ZNF718: variants seen among roughly 807,000 people sequenced by gnomAD.
ZNF718 encodes the protein zinc finger protein 718.
A neutral mutation model predicts 2.6 loss-of-function variants in ZNF718; 3 were observed. The ratio of observed to expected loss-of-function variants is 1.16; its 90% CI spans 0.53 to 3.01. The LOEUF is 3.01. Among genes scored for constraint, ZNF718 ranks in the 30% most tolerant of loss-of-function variants. The pLI is 0.03. For synonymous variants in ZNF718, 135 were observed against 77.9 expected (o/e 1.73, Z -3.86); for missense variants, 468 against 230.0 (o/e 2.03, Z -6.69).
intron 3 of ZNF718, among the ~76,000 whole-genome samples, chr4:170,798 T>A (rs746331604): frequency 1.1e-4 from 17 of 152,288 alleles, no homozygotes; most frequent in Non-Finnish European, 1.8e-4. Flanking sequence ...TCGAACTTCC[T>A]CCTTTAGTTC....
chr4:172,281 T>C (rs782813757), intron 3 of ZNF718, among the ~76,000 whole-genome samples: 10 of 152,228 alleles, frequency 6.6e-5, no homozygotes, highest in Non-Finnish European at 1.5e-4. Flanking sequence ...TCCATATTGT[T>C]TCAAATGACA....
At chr4:147,872 A>G (rs1716135809) in intron 3 of ZNF718, among the ~76,000 whole-genome samples, 1 of 151,942 alleles carries the variant, frequency 6.6e-6, no homozygotes, top group East Asian at 1.9e-4. Flanking sequence ...CATCTCCAGG[A>G]AAAAAAACCC....
chr4:131,589 G>C lies in ZNF718; in HGVS notation c.226+84G>C, dbSNP rs1212605635. 171 of 270,898 alleles carry C rather than the reference G, an allele frequency of 6.3e-4. 52 individuals are homozygous for C. Among genetic ancestry groups the C allele is most frequent in the South Asian group, 1.2e-3 (12 of 10,186 alleles). 16.8% of individuals were successfully genotyped at this position (270,898 alleles called of 1,614,324 possible). ...AGCCAGGCCTTCAAATGTTGTTTGA[G>C]AGGCTGAGCACCGTGGCTCACGCCT... On this transcript the variant is annotated intron_variant, in intron 3 of 3. Coordinates refer to ENST00000510175, the MANE Select transcript of ZNF718 (RefSeq NM_001039127.6).
chr4:194,452 G>T (rs1553821730), intron 3 of ZNF718, among the ~76,000 whole-genome samples: 2 of 152,070 alleles, frequency 1.3e-5, no homozygotes, highest in Non-Finnish European at 2.9e-5. Context: ...CCCAATGAGG[G>T]TCTACACTGG....
intron 3 of ZNF718, among the ~76,000 whole-genome samples, chr4:146,311 A>G (rs545215376): frequency 4.6e-5 from 7 of 152,114 alleles, no homozygotes; most frequent in African/African-American, 1.4e-4. Context: ...TTATTTGTCA[A>G]CGTTTTTTCT....
chr4:173,899 G>T (rs1007792721), intron 3 of ZNF718, among the ~76,000 whole-genome samples: 1 of 152,134 alleles, frequency 6.6e-6, no homozygotes, highest in African/African-American at 2.4e-5. Context: ...CAAGAATGCA[G>T]CCGTGAATAG....
chr4:128,572 A>G (rs1303747218), intron 1 of ZNF718, among the ~76,000 whole-genome samples: 1 of 102,692 alleles, frequency 9.7e-6, no homozygotes, highest in Non-Finnish European at 2.2e-5. Context: ...CAGGACCACC[A>G]GGACAGCGCC....
chr4:173,361 T>C (rs782153121), intron 3 of ZNF718, among the ~76,000 whole-genome samples: 5 of 152,216 alleles, frequency 3.3e-5, no homozygotes, highest in Non-Finnish European at 7.3e-5. Flanking sequence ...TAGTTTCCAT[T>C]GTGCCCATTT....
At chr4:143,907 C>A (rs1553810689) in intron 3 of ZNF718, among the ~76,000 whole-genome samples, 1 of 152,084 alleles carries the variant, frequency 6.6e-6, no homozygotes, top group Non-Finnish European at 1.5e-5. Context: ...AAGAAAAAGA[C>A]CGTTGACCCC....
At chr4:178,312 T>C (rs1363602152) in intron 3 of ZNF718, among the ~76,000 whole-genome samples, 1 of 152,054 alleles carries the variant, frequency 6.6e-6, no homozygotes, top group African/African-American at 2.4e-5. Context: ...CTAATTTTTG[T>C]ATTTTTTGTA....
rs2108778882 is a variant in ZNF718, at chr4:129,146, C to G, written c.4-1642C>G. On this transcript the variant is annotated intron_variant, in intron 1 of 3. Transcript: ENST00000510175. ...TTGTTATTATTTGTGTTGTTTTTAC[C>G]TTGCTAAGAATAAATAATTAGCTTC... Among the ~76,000 whole-genome samples, 2 of 104,370 alleles carry G rather than the reference C, an allele frequency of 1.9e-5. 1 individual carries two copies. The highest frequency in any genetic ancestry group is 1.1e-3 in the East Asian group (2 of 1,900). 68.5% of individuals were successfully genotyped at this position (104,370 alleles called of 152,430 possible).
At chr4:150,209 A>G (rs1291943569) in intron 3 of ZNF718, 1 of 152,162 alleles carries the variant, frequency 6.6e-6, no homozygotes, top group Non-Finnish European at 1.5e-5. Context: ...ATAATATTCT[A>G]TATATATGTC....
Position 124,587 on chromosome 4 carries a change from A to C in ZNF718, c.-84A>C. The stretch of plus-strand genomic sequence containing the variant: ...TTAGGGAAGCCTCGGTGATTCTGCC[A>C]CAGCCTCAGCCTCTGTGGCTCTGTG... On this transcript the variant is annotated 5_prime_UTR_variant, in exon 1 of 4. Transcript: ENST00000510175. The C allele has an allele frequency of 6.3e-7, 1 of 1,581,286 alleles. No individual in the cohort carries two copies.
intron 3 of ZNF718, among the ~76,000 whole-genome samples, chr4:185,850 A>G (rs1438437250): frequency 2.6e-5 from 4 of 151,972 alleles, no homozygotes; most frequent in African/African-American, 9.7e-5. Flanking sequence ...TTGCTTGGTA[A>G]ATTTTCATCC....
downstream of ZNF718, among the ~76,000 whole-genome samples, chr4:168,507 T>G (rs1717144984): frequency 6.6e-6 from 1 of 152,228 alleles, no homozygotes; most frequent in African/African-American, 2.4e-5. Flanking sequence ...TGGTAAGCTA[T>G]TAATTATTGC....
chr4:199,708 A>G (rs1717861817), intron 3 of ZNF718, among the ~76,000 whole-genome samples: 1 of 152,202 alleles, frequency 6.6e-6, no homozygotes, highest in South Asian at 2.1e-4. Context: ...ATGCAGGATA[A>G]AAGGCTTTCA....
intron 3 of ZNF718, among the ~76,000 whole-genome samples, chr4:159,867 A>G (rs1441764345): frequency 1.3e-5 from 2 of 152,204 alleles, no homozygotes; most frequent in South Asian, 2.1e-4. Flanking sequence ...AACATGAACT[A>G]AAAGCTATTT....
chr4:169,380 G>A lies in ZNF718; in HGVS notation c.227-31701G>A, dbSNP rs1360409093. 3.9e-5 allele frequency among the ~76,000 whole-genome samples: 6 copies of A among 152,010 alleles called. 1 individual carries two copies. Among genetic ancestry groups the A allele is most frequent in the Admixed American group, 3.9e-4 (6 of 15,242 alleles). On this transcript the variant is annotated intron_variant and NMD_transcript_variant, in intron 3 of 4. Transcript: ENST00000642529. Reference sequence around the variant, plus strand: ...TGTCTATTAGGTCTGCTTGGTGCAGGGCTGTGTTCAATTCCTGGATATCCT... The same window carrying A: ...TGTCTATTAGGTCTGCTTGGTGCAGAGCTGTGTTCAATTCCTGGATATCCT...
chr4:182,300 T>C (rs1553819924), intron 3 of ZNF718, among the ~76,000 whole-genome samples: 1 of 152,140 alleles, frequency 6.6e-6, no homozygotes, highest in Non-Finnish European at 1.5e-5. Context: ...AGAGCATTCC[T>C]TTTTTCCCAC....
Sources: allele counts gnomAD v4.1 joint callset (sites outside exome capture counted in the v4.1 genomes callset), GRCh38; gene constraint gnomAD v4.1.1; transcripts MANE v1.5; gene names NCBI Gene and HGNC (gene_info 2026-07-23, HGNC 2026-07-21).